Variants in FBXW10B observed in about 807,000 individuals in gnomAD.
FBXW10B encodes the protein F-box and WD repeat domain containing protein 10B.
the FBXW10B span, chr17:15,613,739 AT>A: frequency 6.2e-7 from 1 of 1,612,870 alleles, no homozygotes; most frequent in Non-Finnish European, 8.5e-7. Flanking sequence ...TCTATCCAGC[AT>A]TCCTGGAAAA....
the FBXW10B span, among the ~76,000 whole-genome samples, chr17:15,605,872 T>C: frequency 2.0e-5 from 3 of 146,748 alleles, no homozygotes; most frequent in Admixed American, 6.9e-5. Context: ...AGTCCTGTGC[T>C]AGTAGATATC....
At chr17:15,572,005 C>T in the FBXW10B span, 13,188 of 126,178 alleles carry the variant, frequency 0.1, 181 homozygotes, top group Admixed American at 0.13. Flanking sequence ...GAATTGGCTA[C>T]AGAGGGGCAT....
At chr17:15,570,231 G>A in the FBXW10B span, among the ~76,000 whole-genome samples, 6 of 152,298 alleles carry the variant, frequency 3.9e-5, 1 homozygote, top group Admixed American at 2.0e-4. Flanking sequence ...CTGTCAAGGC[G>A]ATGAGAAGGC....
chr17:15,596,916 C>T, the FBXW10B span, among the ~76,000 whole-genome samples: 1 of 152,206 alleles, frequency 6.6e-6, no homozygotes, highest in Non-Finnish European at 1.5e-5. Context: ...TGGCTATGGC[C>T]CTGGAACTTA....
At chr17:15,610,934 C>A in the FBXW10B span, among the ~76,000 whole-genome samples, 2 of 152,058 alleles carry the variant, frequency 1.3e-5, no homozygotes, top group African/African-American at 2.4e-5. Flanking sequence ...GACCTCTCTG[C>A]GCCTCAGTTT....
the FBXW10B span, among the ~76,000 whole-genome samples, chr17:15,605,765 A>G: frequency 2.0e-5 from 3 of 152,004 alleles, no homozygotes; most frequent in African/African-American, 4.8e-5. Context: ...CTTGGAAAAC[A>G]TCAGAGGAAC....
At chr17:15,581,664 T>C in the FBXW10B span, among the ~76,000 whole-genome samples, 1 of 151,872 alleles carries the variant, frequency 6.6e-6, no homozygotes, top group Admixed American at 6.6e-5. Flanking sequence ...GTGGAGCGGC[T>C]TATGTTGGCT....
At chr17:15,598,572 C>T in the FBXW10B span, 1 of 1,613,690 alleles carries the variant, frequency 6.2e-7, no homozygotes, top group Middle Eastern at 1.7e-4. Flanking sequence ...CGAGCCTGTT[C>T]TTACACAAGT....
chr17:15,615,341 T>TTTTTTTTTTTA, the FBXW10B span, among the ~76,000 whole-genome samples: 1 of 134,318 alleles, frequency 7.4e-6, no homozygotes, highest in East Asian at 2.2e-4. Context: ...TTTTTTTTTT[T>TTTTTTTTTTTA]GAGACAGTCT....
At chr17:15,601,744 C>T in the FBXW10B span, among the ~76,000 whole-genome samples, 2 of 152,182 alleles carry the variant, frequency 1.3e-5, no homozygotes, top group Non-Finnish European at 2.9e-5. Flanking sequence ...AATAAAAAGT[C>T]TAGTTAGGTT....
chr17:15,584,297 T>C, the FBXW10B span, among the ~76,000 whole-genome samples: 1 of 152,210 alleles, frequency 6.6e-6, no homozygotes, highest in African/African-American at 2.4e-5. Flanking sequence ...ATGCAAAAAA[T>C]ATATTTAATA....
chr17:15,614,275 G>T, the FBXW10B span, among the ~76,000 whole-genome samples: 2 of 151,910 alleles, frequency 1.3e-5, no homozygotes, highest in African/African-American at 4.8e-5. Context: ...TGCAAGCTCT[G>T]CCTCCCGGGT....
chr17:15,594,897 G>A, the FBXW10B span: 1 of 1,593,782 alleles, frequency 6.3e-7, no homozygotes, highest in Non-Finnish European at 8.6e-7. Context: ...GAGTCTGCAA[G>A]AAAAGATACC....
the FBXW10B span, among the ~76,000 whole-genome samples, chr17:15,597,987 G>A: frequency 0.025 from 3,796 of 152,294 alleles, 138 homozygotes; most frequent in African/African-American, 0.081. Flanking sequence ...TGGATCCAGA[G>A]GCCATGTGCT....
At chr17:15,585,597 C>T in the FBXW10B span, among the ~76,000 whole-genome samples, 1 of 152,208 alleles carries the variant, frequency 6.6e-6, no homozygotes, top group Non-Finnish European at 1.5e-5. Flanking sequence ...ATTTCCCATC[C>T]AAATGCTCAC....
the FBXW10B span, among the ~76,000 whole-genome samples, chr17:15,602,409 A>C: frequency 8.9e-4 from 135 of 152,234 alleles, 1 homozygote; most frequent in African/African-American, 3.1e-3. Flanking sequence ...AATGAAATGG[A>C]AACTCTACCT....
chr17:15,619,354 C>T, the FBXW10B span: 1 of 1,613,908 alleles, frequency 6.2e-7, no homozygotes, highest in Non-Finnish European at 8.5e-7. Context: ...GAAACCTCCT[C>T]TGTGATATGT....
At chr17:15,613,832 C>A in the FBXW10B span, 1 of 1,608,678 alleles carries the variant, frequency 6.2e-7, no homozygotes. Context: ...CCCCAGCATA[C>A]TTAGAATGTA....
the FBXW10B span, chr17:15,598,430 A>G: frequency 6.2e-7 from 1 of 1,600,244 alleles, no homozygotes; most frequent in African/African-American, 1.3e-5. Context: ...GATGATAAAG[A>G]ATAAATGAGT....
Sources: allele counts gnomAD v4.1 joint callset (sites outside exome capture counted in the v4.1 genomes callset), GRCh38; gene constraint gnomAD v4.1.1; transcripts MANE v1.5; gene names NCBI Gene and HGNC (gene_info 2026-07-23, HGNC 2026-07-21).